Variants in SLC5A9 observed in about 807,000 individuals in gnomAD.
SLC5A9 encodes the protein sodium/glucose cotransporter 4.
In SLC5A9, 59 loss-of-function variants were observed where a neutral mutation model predicts 70.9. The observed-to-expected ratio is 0.83, with a 90% CI of 0.68 to 1.03. The LOEUF (loss-of-function observed/expected upper bound fraction) is 1.03, where lower values mean the gene tolerates loss of function less well. Among genes scored for constraint, SLC5A9 ranks in the 50% least tolerant of loss-of-function variants. The pLI, the probability that SLC5A9 is intolerant of heterozygous loss-of-function variation, is 0.00. For synonymous variants in SLC5A9, 340 were observed against 346.5 expected, an observed-to-expected ratio of 0.98 and a Z score of 0.21; for missense variants, 832 against 881.1, an observed-to-expected ratio of 0.94 and a Z score of 0.71.
At position 48,233,749 on chromosome 1, in the gene SLC5A9, C is replaced by A. The variant is rs1172956829; in HGVS notation, c.1128C>A (p.Ala376=). ...SNIAYPKLVM[A]LMPVGLRGLM... Reference sequence around the variant, plus strand: ...TTGCCTACCCTAAGTTGGTCATGGCCCTCATGCCTGTTGGTGAGTCTCTTC... The same window carrying A: ...TTGCCTACCCTAAGTTGGTCATGGCACTCATGCCTGTTGGTGAGTCTCTTC... Residue 376 remains alanine, a synonymous_variant, in exon 9 of 14, where the codon GCC becomes GCA. Coordinates refer to ENST00000438567, the MANE Select transcript of SLC5A9 (RefSeq NM_001011547.3). The A allele has an allele frequency of 4.5e-5, 72 of 1,613,202 alleles. No individual in the cohort carries two copies. Among genetic ancestry groups the A allele is most frequent in the Non-Finnish European group, 6.1e-5 (72 of 1,179,486 alleles).
intron 9 of SLC5A9, among the ~76,000 whole-genome samples, chr1:48,234,389 G>A (rs1032510177): frequency 6.6e-6 from 1 of 152,174 alleles, no homozygotes; most frequent in African/African-American, 2.4e-5. Flanking sequence ...GTCAGAGAGA[G>A]CATGACTGGA....
At chr1:48,241,411 T>C (rs867758608) in intron 12 of SLC5A9, among the ~76,000 whole-genome samples, 1 of 152,190 alleles carries the variant, frequency 6.6e-6, no homozygotes, top group Non-Finnish European at 1.5e-5. Context: ...GAGAGATGCA[T>C]GCTTGGGCCC....
Position 48,247,588 on chromosome 1 carries a change from A to AAC in SLC5A9, c.*45_*46insAC. 6.3e-7 allele frequency: 1 copy of AAC among 1,583,044 alleles called. No individual in the cohort carries two copies. Among genetic ancestry groups the AAC allele is most frequent in the Non-Finnish European group, 8.7e-7 (1 of 1,152,126 alleles). On this transcript the variant is annotated 3_prime_UTR_variant, in exon 14 of 14. Transcript: ENST00000438567. ...GTGTAGACAGATTAAACAAAGCCCAAGCCTGTCAGCCACAGAAACAGGCTC... is the reference window on the plus strand; with the variant it reads ...GTGTAGACAGATTAAACAAAGCCCAAACGCCTGTCAGCCACAGAAACAGGCTC...
At chr1:48,227,184 T>C (rs976173782) in intron 2 of SLC5A9, among the ~76,000 whole-genome samples, 3 of 135,638 alleles carry the variant, frequency 2.2e-5, no homozygotes, top group Non-Finnish European at 4.9e-5. Context: ...TGCGTGTGTG[T>C]GTGTACTGTG....
chr1:48,224,444 T>C (rs1644114787), intron 1 of SLC5A9, among the ~76,000 whole-genome samples: 1 of 151,956 alleles, frequency 6.6e-6, no homozygotes, highest in Admixed American at 6.6e-5. Flanking sequence ...GGGACAAGAG[T>C]GCACAATCAA....
rs183523215 is a variant in SLC5A9 at position 48,239,063 on chromosome 1, G to A, written c.1462-259G>A. Among the ~76,000 whole-genome samples the A allele has an allele frequency of 3.2e-3, 487 of 152,278 alleles. 3 individuals are homozygous for A. The highest frequency in any genetic ancestry group is 0.011 in the African/African-American group (452 of 41,568). ...AAGAAAACTCTGAGTCAGCACGGCC[G>A]AGTCATTGGTTCAGTCAGTTCACAA... On this transcript the variant is annotated intron_variant, in intron 11 of 13. Coordinates refer to ENST00000438567, the MANE Select transcript of SLC5A9 (RefSeq NM_001011547.3). This position sits in a 1 kb window ranked among gnomAD's most constrained non-coding sequence, Gnocchi z 4.2.
chr1:48,222,730 C>T lies in SLC5A9; in HGVS notation c.-7C>T, dbSNP rs1319024035. The T allele has an allele frequency of 6.2e-7, 1 of 1,614,098 alleles. No homozygotes were observed. On this transcript the variant is annotated 5_prime_UTR_variant, in exon 1 of 14. Transcript: ENST00000438567. The stretch of plus-strand genomic sequence containing the variant: ...AAGTCCAGCCTGCTGTTGACCAACA[C>T]TAACAGATGAGCAAGGAGCTGGCAG...
intron 12 of SLC5A9, among the ~76,000 whole-genome samples, chr1:48,240,747 GCCTC>G (rs1294479285): frequency 6.6e-6 from 1 of 152,102 alleles, no homozygotes; most frequent in Non-Finnish European, 1.5e-5. Context: ...AGTTCCTGCT[GCCTC>G]CCTCTCCTCC....
At chr1:48,229,647 G>A (rs1370018215) in intron 4 of SLC5A9, 188 bp downstream of exon 4, 3 of 840,448 alleles carry the variant, frequency 3.6e-6, no homozygotes, top group Admixed American at 6.1e-5. Flanking sequence ...AATGATAAAT[G>A]TTTTTGGAGT....
intron 6 of SLC5A9, 106 bp downstream of exon 6, chr1:48,231,731 T>C (rs1201342069): frequency 6.5e-7 from 1 of 1,532,300 alleles, no homozygotes; most frequent in Non-Finnish European, 8.8e-7. Context: ...CATAGAGCCA[T>C]GTGAGCCATG....
chr1:48,232,870 G>A (rs1160773866), intron 8 of SLC5A9, among the ~76,000 whole-genome samples: 7 of 134,928 alleles, frequency 5.2e-5, no homozygotes, highest in Non-Finnish European at 1.1e-4. Context: ...AAGAAAAGAA[G>A]AAGAAAGAAA....
Position 48,235,740 on chromosome 1 carries a change from CTGA to C in SLC5A9, c.1158_1160del (p.Met386del). The C allele has an allele frequency of 6.2e-7, 1 of 1,614,204 alleles. No individual in the cohort carries two copies. Among genetic ancestry groups the C allele is most frequent in the Non-Finnish European group, 8.5e-7 (1 of 1,180,024 alleles). On this transcript the variant is annotated inframe_deletion, in exon 10 of 14. Coordinates refer to ENST00000438567, the MANE Select transcript of SLC5A9 (RefSeq NM_001011547.3). ...TCGTCTCTCCCCAGGTCTGCGGGGG[CTGA>C]TGATTGCCGTGATCATGGCCGCTCT...
chr1:48,225,952 C>T (rs1421983202), intron 2 of SLC5A9, among the ~76,000 whole-genome samples: 1 of 152,158 alleles, frequency 6.6e-6, no homozygotes, highest in East Asian at 1.9e-4. Context: ...CACCACCTTC[C>T]CCACTCTCTA....
At chr1:48,223,745 G>A (rs1406729922) in intron 1 of SLC5A9, among the ~76,000 whole-genome samples, 1 of 152,118 alleles carries the variant, frequency 6.6e-6, no homozygotes, top group African/African-American at 2.4e-5. Flanking sequence ...TATAAAGGGG[G>A]GTGAACAGTC....
In SLC5A9 at chr1:48,237,774, T is replaced by C. The variant is rs1381425756; in HGVS notation, c.1388T>C (p.Val463Ala). The change falls in exon 11 of 14, where the codon GTC becomes GCC. Residue 463 changes from valine (V) to alanine (A), a missense_variant. Transcript: ENST00000438567. ...CAGCTCTTCGACTACATCCAGGCTGTCACCAGTTACCTGGCCCCACCCATC... is the reference window on the plus strand; with the variant it reads ...CAGCTCTTCGACTACATCCAGGCTGCCACCAGTTACCTGGCCCCACCCATC... The part of the protein sequence containing the change: ...SGQLFDYIQA[V>A]TSYLAPPITA... The C allele has an allele frequency of 6.2e-7, 1 of 1,614,144 alleles. No individual in the cohort carries two copies. The highest frequency in any genetic ancestry group is 8.5e-7 in the Non-Finnish European group (1 of 1,180,024).
chr1:48,242,251 A>G (rs2148587247), intron 12 of SLC5A9: 1 of 586,248 alleles, frequency 1.7e-6, no homozygotes, highest in East Asian at 3.0e-5. Context: ...AGCCTGGGGT[A>G]GAGCACCTGG....
rs781756895 is a variant in SLC5A9 at position 48,233,741 on chromosome 1, G to T, written c.1120G>T (p.Val374Phe). The change falls in exon 9 of 14, where the codon GTC becomes TTC. Residue 374 changes from valine (V) to phenylalanine (F), a missense_variant. Transcript: ENST00000438567. ...TTCCAACATTGCCTACCCTAAGTTG[G>T]TCATGGCCCTCATGCCTGTTGGTGA... ...GCSNIAYPKL[V>F]MALMPVGLRG... 11 of 1,613,896 alleles carry T rather than the reference G, an allele frequency of 6.8e-6. No homozygotes were observed. In the South Asian group the frequency reaches 1.1e-4, roughly 16 times the overall value.
intron 13 of SLC5A9, 100 bp from the exon 14 acceptor site, chr1:48,247,235 C>T: frequency 9.2e-7 from 1 of 1,091,598 alleles, no homozygotes; most frequent in Non-Finnish European, 1.3e-6. Flanking sequence ...AGTATCTCAC[C>T]ATCTCTCTCC....
intron 2 of SLC5A9, among the ~76,000 whole-genome samples, chr1:48,225,185 A>C (rs1377776064): frequency 6.6e-6 from 1 of 152,182 alleles, no homozygotes; most frequent in Non-Finnish European, 1.5e-5. Flanking sequence ...CCTGACCACC[A>C]GACAGTGGAG....
Sources: allele counts gnomAD v4.1 joint callset (sites outside exome capture counted in the v4.1 genomes callset), GRCh38; gene constraint gnomAD v4.1.1; non-coding constraint Gnocchi (gnomAD v3.1); transcripts MANE v1.5; gene names NCBI Gene and HGNC (gene_info 2026-07-23, HGNC 2026-07-21).